The following CDH13 variants were observed in gnomAD, a reference collection of about 807,000 sequenced individuals.
CDH13 encodes the protein cadherin-13.
CDH13 carries 24 observed loss-of-function variants against 63.8 expected under a neutral mutation model. The ratio of observed to expected loss-of-function variants is 0.38; its 90% CI spans 0.27 to 0.53. The LOEUF is 0.53. Ranked by LOEUF, CDH13 falls within the 20% of genes least tolerant of loss-of-function variation. CDH13 has a pLI of 0.85. For missense variants in CDH13, 1,049 were observed against 903.1 expected (o/e 1.16, Z -2.07); for synonymous variants, 503 against 355.3 (o/e 1.42, Z -4.67).
chr16:83,348,888 A>T (rs777882818), intron 6 of CDH13, among the ~76,000 whole-genome samples: 2 of 152,206 alleles, frequency 1.3e-5, no homozygotes, highest in African/African-American at 2.4e-5. Flanking sequence ...TATTATTTTT[A>T]TTCTGGAAGA....
intron 2 of CDH13, among the ~76,000 whole-genome samples, chr16:82,956,325 C>T (rs7191791): frequency 0.22 from 34,041 of 151,896 alleles, 4,147 homozygotes; most frequent in Admixed American, 0.31. Flanking sequence ...TATCTCTTGC[C>T]TGCAACCTTT....
chr16:82,733,312 T>C (rs1567477850), intron 1 of CDH13, among the ~76,000 whole-genome samples: 1 of 152,226 alleles, frequency 6.6e-6, no homozygotes, highest in Non-Finnish European at 1.5e-5. Flanking sequence ...CGGAGTGAGT[T>C]GTCCATAAAT....
intron 4 of CDH13, among the ~76,000 whole-genome samples, chr16:83,155,215 A>C (rs539924547): frequency 1.6e-4 from 25 of 152,358 alleles, no homozygotes; most frequent in African/African-American, 5.8e-4. Flanking sequence ...TATATAAGGA[A>C]AGGACAGAGG....
At chr16:83,522,057 C>T (rs185813205) in intron 7 of CDH13, among the ~76,000 whole-genome samples, 76 of 152,290 alleles carry the variant, frequency 5.0e-4, no homozygotes, top group Admixed American at 9.8e-4. Context: ...GGCCACCTTC[C>T]TTCCTAGGTA....
intron 6 of CDH13, among the ~76,000 whole-genome samples, chr16:83,479,904 G>T (rs1226188046): frequency 3.9e-5 from 6 of 152,138 alleles, no homozygotes; most frequent in Non-Finnish European, 7.3e-5. Flanking sequence ...GGAGTGAGAG[G>T]GTGTCAAGTC....
intron 1 of CDH13, among the ~76,000 whole-genome samples, chr16:82,747,982 C>CA (rs1360837459): frequency 7.2e-5 from 11 of 152,300 alleles, no homozygotes; most frequent in Admixed American, 7.2e-4. Context: ...AGCTTGGGCT[C>CA]AACTTGAGGA....
rs35631596 is a variant in CDH13, at chr16:83,460,995, G to GCA, written c.782-25457_782-25456dup. Among the ~76,000 whole-genome samples, 1,269 of 147,546 alleles carry GCA rather than the reference G, an allele frequency of 8.6e-3. 17 individuals are homozygous for GCA. The highest frequency in any genetic ancestry group is 0.042 in the South Asian group (194 of 4,644). On this transcript the variant is annotated intron_variant, in intron 6 of 13. Transcript: ENST00000567109. ...ACCTTGTCTCAAAACACACACACACGCACACACACACACACACACACACAC... is the reference window on the plus strand; with the variant it reads ...ACCTTGTCTCAAAACACACACACACGCACACACACACACACACACACACACAC...
At chr16:82,697,880 T>G (rs2030530874) in intron 1 of CDH13, among the ~76,000 whole-genome samples, 1 of 152,130 alleles carries the variant, frequency 6.6e-6, no homozygotes, top group Non-Finnish European at 1.5e-5. Flanking sequence ...AATAAAGCTG[T>G]GGAACTATAC....
At chr16:82,888,369 T>A (rs957030743) in intron 2 of CDH13, among the ~76,000 whole-genome samples, 8 of 152,220 alleles carry the variant, frequency 5.3e-5, no homozygotes, top group African/African-American at 1.7e-4. Flanking sequence ...TGCCTGTGAC[T>A]GTCATCAAGT....
At chr16:83,196,327 T>C (rs2038878374) in intron 4 of CDH13, among the ~76,000 whole-genome samples, 1 of 152,128 alleles carries the variant, frequency 6.6e-6, no homozygotes, top group South Asian at 2.1e-4. Context: ...TAAAACACTA[T>C]GAAACTTTAA....
At chr16:83,031,415 C>CATGTACATGTATATGCATAG (rs1916336239) in intron 2 of CDH13, among the ~76,000 whole-genome samples, 1 of 146,420 alleles carries the variant, frequency 6.8e-6, no homozygotes, top group African/African-American at 2.5e-5. Context: ...TATATGTATA[C>CATGTACATGTATATGCATAG]ACGTATATGG....
intron 3 of CDH13, among the ~76,000 whole-genome samples, chr16:83,109,325 A>G (rs774501621): frequency 1.3e-5 from 2 of 152,144 alleles, no homozygotes; most frequent in Non-Finnish European, 2.9e-5. Flanking sequence ...CTTTCATACG[A>G]TGTGAGTGTC....
chr16:83,782,660 C>T (rs925487091), intron 12 of CDH13, among the ~76,000 whole-genome samples: 1 of 150,662 alleles, frequency 6.6e-6, no homozygotes, highest in East Asian at 1.9e-4. Flanking sequence ...CATTTGAACC[C>T]AGGATGCGGA....
chr16:83,286,559 C>T (rs1380832980), intron 5 of CDH13, among the ~76,000 whole-genome samples: 1 of 151,948 alleles, frequency 6.6e-6, no homozygotes, highest in African/African-American at 2.4e-5. Flanking sequence ...AGTTCAAGAC[C>T]AGCCTTGGCA....
chr16:83,386,549 C>G (rs191647728), intron 6 of CDH13, among the ~76,000 whole-genome samples: 48 of 152,236 alleles, frequency 3.2e-4, no homozygotes, highest in African/African-American at 1.2e-3. Flanking sequence ...TCCACCTATA[C>G]CCGGATAGTA....
At chr16:83,200,184 A>G (rs574513963) in intron 4 of CDH13, among the ~76,000 whole-genome samples, 2 of 152,214 alleles carry the variant, frequency 1.3e-5, no homozygotes, top group East Asian at 3.9e-4. Flanking sequence ...GTAACGCCTT[A>G]ACAGGATGAG....
At chr16:83,651,588 C>CTTTTTTTTTTT (rs35237670) in intron 8 of CDH13, among the ~76,000 whole-genome samples, 3 of 75,306 alleles carry the variant, frequency 4.0e-5, no homozygotes, top group Non-Finnish European at 7.1e-5. Flanking sequence ...TTATTTTCCT[C>CTTTTTTTTTTT]TTTTTTTTTT....
chr16:83,432,091 C>T (rs1475403901), intron 6 of CDH13, among the ~76,000 whole-genome samples: 1 of 152,160 alleles, frequency 6.6e-6, no homozygotes, highest in African/African-American at 2.4e-5. Context: ...GGGATAGTGT[C>T]TTGGACTTCA....
At chr16:82,880,095 A>G (rs945642330) in intron 2 of CDH13, among the ~76,000 whole-genome samples, 1 of 151,296 alleles carries the variant, frequency 6.6e-6, no homozygotes, top group Non-Finnish European at 1.5e-5. Flanking sequence ...TATTATTTCA[A>G]ACCTCACTTT....
Sources: gnomAD v4.1 joint callset for allele counts (sites outside exome capture counted in the v4.1 genomes callset) on GRCh38, gnomAD v4.1.1 for gene constraint, MANE v1.5 for transcripts, NCBI Gene and HGNC (gene_info 2026-07-23, HGNC 2026-07-21) for gene names.